SCAPER: variants seen among roughly 807,000 people sequenced by gnomAD.
The protein encoded by SCAPER is S phase cyclin A-associated protein in the endoplasmic reticulum.
In SCAPER, 98 loss-of-function variants were observed where a neutral mutation model predicts 182.2. That is an observed-to-expected ratio of 0.54 (90% CI 0.46 to 0.64). The LOEUF (loss-of-function observed/expected upper bound fraction) is 0.64. Among genes scored for constraint, SCAPER ranks in the 30% least tolerant of loss-of-function variants. The pLI is 0.00. For missense variants in SCAPER, 1,432 were observed against 1,690.0 expected (o/e 0.85, Z 2.68); for synonymous variants, 605 against 564.6 (o/e 1.07, Z -1.01).
chr15:76,454,835 ATTTAGG>A (rs2048611182), intron 25 of SCAPER, among the ~76,000 whole-genome samples: 1 of 151,960 alleles, frequency 6.6e-6, no homozygotes, highest in Non-Finnish European at 1.5e-5. Flanking sequence ...CCATAGCATT[ATTTAGG>A]CCTGGTGCTT....
rs985434441 is a variant in SCAPER at position 76,702,282 on chromosome 15, C to G, written c.2401-417G>C. On this transcript the variant is annotated intron_variant, in intron 19 of 31. Transcript: ENST00000563290. ...TGTTGCTTTTTTTTTAGATCTAATA[C>G]CCCAAAAATACTGACTTGGGCTATC... 1.1e-4 allele frequency among the ~76,000 whole-genome samples: 16 copies of G among 151,946 alleles called. 1 individual carries two copies. Among genetic ancestry groups the G allele is most frequent in the African/African-American group, 3.4e-4 (14 of 41,354 alleles).
intron 23 of SCAPER, among the ~76,000 whole-genome samples, chr15:76,557,177 T>C (rs1597374170): frequency 2.0e-5 from 3 of 152,178 alleles, no homozygotes; most frequent in African/African-American, 7.2e-5. Flanking sequence ...ATGGCCATAC[T>C]GCCCAAAGCA....
intron 26 of SCAPER, among the ~76,000 whole-genome samples, chr15:76,430,747 ATGGACTT>A (rs1422430936): frequency 6.6e-6 from 1 of 152,148 alleles, no homozygotes; most frequent in Non-Finnish European, 1.5e-5. Context: ...ATGTTGTACT[ATGGACTT>A]TTGAGTTAAT....
intron 17 of SCAPER, among the ~76,000 whole-genome samples, chr15:76,712,329 T>C (rs530277392): frequency 2.6e-5 from 4 of 152,350 alleles, no homozygotes; most frequent in African/African-American, 9.6e-5. Context: ...CATGCTGTTT[T>C]GGTTATCATA....
intron 8 of SCAPER, among the ~76,000 whole-genome samples, chr15:76,781,841 G>C (rs966649715): frequency 6.6e-6 from 1 of 152,168 alleles, no homozygotes; most frequent in Non-Finnish European, 1.5e-5. Context: ...CAAATGCTGA[G>C]AGATTTTCTC....
At chr15:76,613,018 A>C (rs985877544) in intron 22 of SCAPER, among the ~76,000 whole-genome samples, 2 of 152,228 alleles carry the variant, frequency 1.3e-5, no homozygotes, top group Non-Finnish European at 2.9e-5. Flanking sequence ...CCTGACTTCA[A>C]ACTATACTAC....
At chr15:76,746,133 ACAAAATC>A (rs1039990537) in intron 15 of SCAPER, among the ~76,000 whole-genome samples, 2 of 152,242 alleles carry the variant, frequency 1.3e-5, no homozygotes, top group African/African-American at 4.8e-5. Context: ...GAAGCATTTG[ACAAAATC>A]CAATATCCCT....
At chr15:76,570,710 A>G (rs1468810512) in intron 23 of SCAPER, among the ~76,000 whole-genome samples, 1 of 152,086 alleles carries the variant, frequency 6.6e-6, no homozygotes, top group African/African-American at 2.4e-5. Flanking sequence ...TCTTTTCCCT[A>G]TGGCTACTTG....
At chr15:76,448,886 C>T (rs2048184430) in intron 25 of SCAPER, among the ~76,000 whole-genome samples, 1 of 152,116 alleles carries the variant, frequency 6.6e-6, no homozygotes, top group South Asian at 2.1e-4. Context: ...TTGGTTGTGA[C>T]AGGAAAGGGT....
chr15:76,500,248 G>C (rs1258508488), intron 24 of SCAPER, among the ~76,000 whole-genome samples: 1 of 152,186 alleles, frequency 6.6e-6, no homozygotes, highest in Non-Finnish European at 1.5e-5. Flanking sequence ...GAAAAACTGT[G>C]TCCACAGGGA....
chr15:76,883,932 A>G (rs1402282730), intron 1 of SCAPER, 56 bp from the exon 2 acceptor site: 1 of 838,098 alleles, frequency 1.2e-6, no homozygotes, highest in Non-Finnish European at 1.8e-6. Context: ...AACCATAATT[A>G]TTCATAAAAA....
chr15:76,833,220 A>G (rs995064126), intron 5 of SCAPER, among the ~76,000 whole-genome samples: 2 of 152,214 alleles, frequency 1.3e-5, no homozygotes, highest in Admixed American at 1.3e-4. Flanking sequence ...GGGAGCTTAT[A>G]TTCACTATCC....
Position 76,601,659 on chromosome 15 carries a change from C to G in SCAPER, c.2711+20105G>C, listed in dbSNP as rs1296091241. On this transcript the variant is annotated intron_variant, in intron 22 of 31. Transcript: ENST00000563290. ...TTAAGTGATGTATGACTGTATATTTCTTATTTTTAGTAGTTGCAAACTAAA... is the reference window on the plus strand; with the variant it reads ...TTAAGTGATGTATGACTGTATATTTGTTATTTTTAGTAGTTGCAAACTAAA... Among the ~76,000 whole-genome samples, 6 of 121,462 alleles carry G rather than the reference C, an allele frequency of 4.9e-5. 2 individuals are homozygous for G. Among genetic ancestry groups the G allele is most frequent in the African/African-American group, 7.5e-5 (3 of 39,774 alleles). 79.7% of individuals were successfully genotyped at this position (121,462 alleles called of 152,430 possible).
intron 10 of SCAPER, among the ~76,000 whole-genome samples, chr15:76,769,304 G>T (rs930141572): frequency 6.6e-6 from 1 of 151,836 alleles, no homozygotes; most frequent in Non-Finnish European, 1.5e-5. Context: ...TTAGCCAGGC[G>T]TGGTGGCAAG....
chr15:76,875,873 G>C lies in SCAPER; in HGVS notation c.6+7939C>G, dbSNP rs536404478. On this transcript the variant is annotated intron_variant, in intron 2 of 31. Transcript: ENST00000563290. ...ATTCACTGCAAAGAGCGAAAGAGCA[G>C]GGGGCGGCGCTGGTCGAGGAGGCTC... is the stretch of plus-strand genomic sequence containing the variant. Among the ~76,000 whole-genome samples the C allele has an allele frequency of 3.3e-5, 5 of 152,360 alleles. No individual in the cohort carries two copies. In the East Asian group the frequency reaches 7.7e-4, roughly 24 times the overall value.
At chr15:76,441,166 C>A (rs560663695) in intron 25 of SCAPER, among the ~76,000 whole-genome samples, 48 of 151,890 alleles carry the variant, frequency 3.2e-4, no homozygotes, top group Non-Finnish European at 6.2e-4. Flanking sequence ...CGTGATCCAC[C>A]CGCCTTGGCC....
chr15:76,426,393 T>A (rs902636370), intron 26 of SCAPER, among the ~76,000 whole-genome samples: 2 of 152,174 alleles, frequency 1.3e-5, no homozygotes, highest in African/African-American at 4.8e-5. Flanking sequence ...TCCATGGGTG[T>A]GGGACCCTCT....
chr15:76,595,436 C>A (rs2049423361), intron 22 of SCAPER, among the ~76,000 whole-genome samples: 1 of 121,574 alleles, frequency 8.2e-6, no homozygotes, highest in African/African-American at 2.5e-5. Flanking sequence ...ATATTCAGGA[C>A]TTGAACTTGG....
At position 76,400,783 on chromosome 15, in the gene SCAPER, G is replaced by A. The variant is rs554674301; in HGVS notation, c.3467+3741C>T. On this transcript the variant is annotated intron_variant, in intron 27 of 31. Coordinates refer to ENST00000563290, the MANE Select transcript of SCAPER (RefSeq NM_020843.4). Reference sequence around the variant, plus strand: ...TTGCTAAGCAATTGAGGTTAGAGAAGGAAATTATAATGGAGATAAATAGAT... The same window carrying A: ...TTGCTAAGCAATTGAGGTTAGAGAAAGAAATTATAATGGAGATAAATAGAT... Among the ~76,000 whole-genome samples the A allele has an allele frequency of 1.8e-3, 267 of 152,068 alleles. 1 individual carries two copies. Among genetic ancestry groups the A allele is most frequent in the African/African-American group, 6.1e-3 (253 of 41,494 alleles).
Sources: gnomAD v4.1 joint callset for allele counts (sites outside exome capture counted in the v4.1 genomes callset) on GRCh38, gnomAD v4.1.1 for gene constraint, MANE v1.5 for transcripts, NCBI Gene and HGNC (gene_info 2026-07-23, HGNC 2026-07-21) for gene names.